The following ADGRG4 variants were observed in gnomAD, a reference collection of about 807,000 sequenced individuals.
ADGRG4 encodes the protein adhesion G protein-coupled receptor G4, also known as G protein-coupled receptor 112.
Under a neutral mutation model 126.2 loss-of-function variants are expected in ADGRG4, and 122 were observed. The ratio of observed to expected loss-of-function variants is 0.97; its 90% CI spans 0.83 to 1.12. The LOEUF is 1.12. Among genes scored for constraint, ADGRG4 ranks in the 50% most tolerant of loss-of-function variants. ADGRG4 has a pLI of 0.00. For missense variants in ADGRG4, 2,481 were observed against 2,251.8 expected (o/e 1.10, Z -2.06); for synonymous variants, 943 against 838.7 (o/e 1.12, Z -2.15).
At chrX:136,308,105 T>G (rs1470172322) in intron 3 of ADGRG4, among the ~76,000 whole-genome samples, 1 of 112,654 alleles carries the variant, frequency 8.9e-6, no homozygotes, top group Non-Finnish European at 1.9e-5. Flanking sequence ...ATTTTGGTTT[T>G]TTGTTTGTTT....
intron 22 of ADGRG4, among the ~76,000 whole-genome samples, chrX:136,403,699 A>G (rs754035199): frequency 1.5e-4 from 17 of 112,486 alleles, no homozygotes; most frequent in Admixed American, 4.7e-4. Flanking sequence ...GCAAAGAGTT[A>G]GTGGCCCCTA....
chrX:136,357,523 C>T (rs1235391404), intron 9 of ADGRG4, among the ~76,000 whole-genome samples, 181 bp from the exon 10 acceptor site: 1 of 112,022 alleles, frequency 8.9e-6, no homozygotes, highest in East Asian at 2.8e-4. Context: ...CTGTATTGCC[C>T]ACCCTACAGG....
chrX:136,354,246 C>T (rs1165420326), intron 8 of ADGRG4, among the ~76,000 whole-genome samples: 2 of 111,476 alleles, frequency 1.8e-5, no homozygotes, highest in Non-Finnish European at 3.8e-5. Context: ...GTTACTATAA[C>T]AAAAATGCTA....
chrX:136,411,182 C>T (rs1019597114), intron 23 of ADGRG4, among the ~76,000 whole-genome samples: 6 of 111,294 alleles, frequency 5.4e-5, no homozygotes, highest in African/African-American at 1.6e-4. Flanking sequence ...CCCAAGTAGA[C>T]GGGATTACAG....
At chrX:136,328,873 C>T (rs758366244) in intron 5 of ADGRG4, among the ~76,000 whole-genome samples, 56 of 111,271 alleles carry the variant, frequency 5.0e-4, no homozygotes, top group Middle Eastern at 4.6e-3. Context: ...TTCCTCATCA[C>T]GAAAAGTAAG....
At chrX:136,358,481 A>G (rs2075108389) in intron 10 of ADGRG4, among the ~76,000 whole-genome samples, 1 of 112,338 alleles carries the variant, frequency 8.9e-6, no homozygotes, top group Non-Finnish European at 1.9e-5. Flanking sequence ...CCGTGTCTAC[A>G]AATGGAAATG....
intron 3 of ADGRG4, among the ~76,000 whole-genome samples, chrX:136,307,010 A>G (rs1405739687): frequency 8.9e-6 from 1 of 111,917 alleles, no homozygotes; most frequent in African/African-American, 3.2e-5. Flanking sequence ...CACCATGCCC[A>G]GCCTTTATTC....
chrX:136,371,658 T>C (rs2075195167), intron 14 of ADGRG4, 114 bp downstream of exon 14: 1 of 444,909 alleles, frequency 2.2e-6, no homozygotes, highest in African/African-American at 2.5e-5. Context: ...AGATTGAAAA[T>C]ATCCTTAAAA....
intron 13 of ADGRG4, among the ~76,000 whole-genome samples, chrX:136,367,569 A>G (rs1158003495): frequency 1.8e-5 from 2 of 112,158 alleles, no homozygotes; most frequent in Non-Finnish European, 3.7e-5. Context: ...GTCATTTTAT[A>G]TATATAAAAA....
intron 16 of ADGRG4, among the ~76,000 whole-genome samples, chrX:136,388,823 AT>A (rs2075305086): frequency 8.9e-6 from 1 of 111,888 alleles, no homozygotes; most frequent in African/African-American, 3.2e-5. Flanking sequence ...AGGTTAAGTA[AT>A]TTTTCCCAAG....
At chrX:136,380,649 T>C (rs199542136) in intron 15 of ADGRG4, among the ~76,000 whole-genome samples, 22 of 66,465 alleles carry the variant, frequency 3.3e-4, no homozygotes, top group East Asian at 6.4e-4. Flanking sequence ...CTTCTTCTTC[T>C]TCCTCCTCCT....
intron 5 of ADGRG4, among the ~76,000 whole-genome samples, chrX:136,328,448 T>G (rs2074888477): frequency 8.9e-6 from 1 of 112,109 alleles, no homozygotes; most frequent in African/African-American, 3.2e-5. Flanking sequence ...GACCTGTGAA[T>G]GTATGAAGAA....
At chrX:136,332,715 G>A (rs1282927939) in intron 5 of ADGRG4, among the ~76,000 whole-genome samples, 2 of 105,632 alleles carry the variant, frequency 1.9e-5, no homozygotes, top group Non-Finnish European at 3.9e-5. Context: ...GTGTGAGATG[G>A]TATCTCATTG....
intron 10 of ADGRG4, among the ~76,000 whole-genome samples, chrX:136,358,707 T>A (rs2075109428): frequency 8.9e-6 from 1 of 111,926 alleles, no homozygotes; most frequent in Admixed American, 9.5e-5. Flanking sequence ...TTCCATCATC[T>A]GTGTTATGGG....
intron 15 of ADGRG4, 79 bp from the exon 16 acceptor site, chrX:136,387,661 G>C (rs1251579737): frequency 3.4e-5 from 32 of 949,194 alleles, no homozygotes; most frequent in Non-Finnish European, 4.4e-5. Context: ...TTCTGAGGCT[G>C]AGCTGGGGTG....
chrX:136,365,415 T>C (rs1363510271), intron 13 of ADGRG4, among the ~76,000 whole-genome samples: 1 of 112,131 alleles, frequency 8.9e-6, no homozygotes, highest in African/African-American at 3.2e-5. Flanking sequence ...TCATTCCTTT[T>C]TATGGATGCA....
chrX:136,350,273 T>C lies in ADGRG4; in HGVS notation c.6567T>C (p.Pro2189=). Residue 2189 remains proline, a synonymous_variant, in exon 6 of 26, where the codon CCT becomes CCC. Transcript: ENST00000394143. ...LNIMTTTSTV[P]GASFPLISTG... ...TAATGACTACTACATCCACTGTTCCTGGAGCCTCATTTCCACTCATATCCA... is the reference window on the plus strand; with the variant it reads ...TAATGACTACTACATCCACTGTTCCCGGAGCCTCATTTCCACTCATATCCA... 1 of 1,210,463 alleles carries C rather than the reference T, an allele frequency of 8.3e-7. No homozygotes were observed. The highest frequency in any genetic ancestry group is 1.1e-6 in the Non-Finnish European group (1 of 894,198).
At position 136,304,943 on chromosome X, in the gene ADGRG4, A is replaced by G. The variant is rs1240530386; in HGVS notation, c.-90A>G. ...AAGCAGTGGAGTCCTTGACAGAAGC[A>G]GTGGTGCTGGAACCTGGTGCTAGGC... On this transcript the variant is annotated 5_prime_UTR_variant, in exon 3 of 26. Coordinates refer to ENST00000394143, the MANE Select transcript of ADGRG4 (RefSeq NM_153834.4). The G allele has an allele frequency of 8.9e-6, 1 of 112,641 alleles. No individual in the cohort carries two copies. Among genetic ancestry groups the G allele is most frequent in the Non-Finnish European group, 1.9e-5 (1 of 53,333 alleles). The allele number at this position is 112,641 out of a possible 1,213,427, so 9.3% of individuals were successfully genotyped here. A position where few individuals can be genotyped will look rare whatever the true frequency, so the allele number is the denominator to read the frequency against.
intron 5 of ADGRG4, among the ~76,000 whole-genome samples, chrX:136,340,577 TCTAA>T (rs2074973419): frequency 8.9e-6 from 1 of 111,755 alleles, no homozygotes. Flanking sequence ...GCATTTAGTA[TCTAA>T]CTTTGTTTCT....
Sources: gnomAD v4.1 joint callset for allele counts (sites outside exome capture counted in the v4.1 genomes callset) on GRCh38, gnomAD v4.1.1 for gene constraint, MANE v1.5 for transcripts, NCBI Gene and HGNC (gene_info 2026-07-23, HGNC 2026-07-21) for gene names.